COLEC12: variants seen among roughly 807,000 people sequenced by gnomAD.
COLEC12 encodes collectin-12.
Under a neutral mutation model 71.1 loss-of-function variants are expected in COLEC12, and 33 were observed. The observed-to-expected ratio is 0.46, with a 90% CI of 0.35 to 0.62. COLEC12 has a LOEUF of 0.62. COLEC12 is among the 20% of genes least tolerant of loss of function. The pLI is 0.00. For missense variants in COLEC12, 765 were observed against 916.1 expected, an observed-to-expected ratio of 0.84 and a Z score of 2.13; for synonymous variants, 350 against 353.0, an observed-to-expected ratio of 0.99 and a Z score of 0.10.
chr18:354,503 G>A (rs1029620081), intron 3 of COLEC12, among the ~76,000 whole-genome samples: 4 of 152,162 alleles, frequency 2.6e-5, no homozygotes, highest in African/African-American at 9.7e-5. Flanking sequence ...ATGCCTTATT[G>A]TGTTTCTTTC....
At position 327,079 on chromosome 18, in the gene COLEC12, C is replaced by T. The variant is rs1489316463; in HGVS notation, c.2063+4589G>A. On this transcript the variant is annotated intron_variant, in intron 8 of 9. Transcript: ENST00000400256. The surrounding 1 kb of genome is among the most constrained non-coding windows in gnomAD (Gnocchi z 4.0). ...TTCAAGATAATCCATCAAATGTTAT[C>T]ATGAGACTGTGGGCCAATGGACTCT... 6.6e-6 allele frequency among the ~76,000 whole-genome samples: 1 copy of T among 152,162 alleles called. No homozygotes were observed. The highest frequency in any genetic ancestry group is 2.4e-5 in the African/African-American group (1 of 41,448).
At chr18:412,403 T>C (rs72861872) in intron 2 of COLEC12, among the ~76,000 whole-genome samples, 35,485 of 150,972 alleles carry the variant, frequency 0.24, 5,241 homozygotes, top group South Asian at 0.47. Flanking sequence ...AAGGAAGACA[T>C]TCTCAGAGGA....
At chr18:330,720 G>T (rs1226358114) in intron 8 of COLEC12, among the ~76,000 whole-genome samples, 2 of 152,054 alleles carry the variant, frequency 1.3e-5, no homozygotes, top group African/African-American at 4.8e-5. Context: ...GTACCTCAAA[G>T]TGATTCTATT....
intron 2 of COLEC12, among the ~76,000 whole-genome samples, chr18:468,515 T>A (rs1917131624): frequency 6.6e-6 from 1 of 152,138 alleles, no homozygotes; most frequent in Admixed American, 6.5e-5. Context: ...AATTCAGAAG[T>A]CTTTAAATAG....
At chr18:400,767 G>A (rs918899472) in intron 2 of COLEC12, among the ~76,000 whole-genome samples, 1 of 152,186 alleles carries the variant, frequency 6.6e-6, no homozygotes, top group African/African-American at 2.4e-5. Flanking sequence ...AATGGAAGGT[G>A]TGACTGGCTG....
At chr18:439,290 C>T in intron 2 of COLEC12, among the ~76,000 whole-genome samples, 1 of 152,176 alleles carries the variant, frequency 6.6e-6, no homozygotes, top group South Asian at 2.1e-4. Context: ...TGTCCACATG[C>T]CTGTACCAAC....
At chr18:472,575 T>C (rs1567918527) in intron 2 of COLEC12, among the ~76,000 whole-genome samples, 1 of 149,500 alleles carries the variant, frequency 6.7e-6, no homozygotes, top group Non-Finnish European at 1.5e-5. Context: ...TGGTCCCAGC[T>C]ACTTGGGAGG....
At chr18:444,648 G>A (rs751586416) in intron 2 of COLEC12, among the ~76,000 whole-genome samples, 2 of 152,138 alleles carry the variant, frequency 1.3e-5, no homozygotes, top group Non-Finnish European at 2.9e-5. Context: ...GTGAGGTAGG[G>A]AGGGGAGAGA....
At chr18:386,088 G>T (rs781154608) in intron 2 of COLEC12, among the ~76,000 whole-genome samples, 5 of 146,516 alleles carry the variant, frequency 3.4e-5, no homozygotes, top group African/African-American at 5.0e-5. Context: ...GATTATCAGG[G>T]TACCTTTTGT....
chr18:449,899 T>C (rs1286817256), intron 2 of COLEC12, among the ~76,000 whole-genome samples: 4 of 152,248 alleles, frequency 2.6e-5, no homozygotes, highest in Non-Finnish European at 5.9e-5. Flanking sequence ...TAAAAGGTGT[T>C]GGACCTGTGT....
chr18:397,495 G>A lies in COLEC12; in HGVS notation c.59-39973C>T, dbSNP rs111556112. ...TAGTTAGATTTTTATAATTTTGAAG[G>A]GTTTTTTGTTTCTTTGTTTTGGCCA... is the stretch of plus-strand genomic sequence containing the variant. On this transcript the variant is annotated intron_variant, in intron 2 of 9. Transcript: ENST00000400256. Among the ~76,000 whole-genome samples, 594 of 152,216 alleles carry A rather than the reference G, an allele frequency of 3.9e-3. 2 individuals carry two copies. Among genetic ancestry groups the A allele is most frequent in the African/African-American group, 0.013 (556 of 41,546 alleles).
intron 2 of COLEC12, among the ~76,000 whole-genome samples, chr18:389,782 G>A (rs1337211781): frequency 6.6e-6 from 1 of 151,906 alleles, no homozygotes; most frequent in East Asian, 1.9e-4. Context: ...AGGCTTACTC[G>A]GTACCACCCA....
At chr18:331,046 A>C (rs567652782) in intron 8 of COLEC12, among the ~76,000 whole-genome samples, 1 of 149,740 alleles carries the variant, frequency 6.7e-6, no homozygotes, top group East Asian at 2.2e-4. Flanking sequence ...TATCCGGCTA[A>C]TTTTTGTTTT....
At chr18:420,192 C>A (rs757625692) in intron 2 of COLEC12, among the ~76,000 whole-genome samples, 55 of 152,266 alleles carry the variant, frequency 3.6e-4, no homozygotes, top group Admixed American at 2.2e-3. Flanking sequence ...TGCTTTAAGA[C>A]ACTCAGTTTT....
intron 2 of COLEC12, among the ~76,000 whole-genome samples, chr18:454,616 A>G (rs1916828270): frequency 6.6e-6 from 1 of 152,202 alleles, no homozygotes; most frequent in African/African-American, 2.4e-5. Context: ...CAGGTGGTGG[A>G]GGTTGCAGTG....
At chr18:489,815 G>A (rs1294445108) in intron 1 of COLEC12, among the ~76,000 whole-genome samples, 1 of 152,150 alleles carries the variant, frequency 6.6e-6, no homozygotes, top group African/African-American at 2.4e-5. Flanking sequence ...GTTGTTAGGG[G>A]AAGGTAAAAG....
chr18:376,056 G>A (rs1915106484), intron 2 of COLEC12, among the ~76,000 whole-genome samples: 2 of 152,174 alleles, frequency 1.3e-5, no homozygotes, highest in African/African-American at 2.4e-5. Context: ...GGCAGAGAGA[G>A]GATTCAAACC....
rs144602061 is a variant in COLEC12, at chr18:328,877, T to C, written c.2063+2791A>G. On this transcript the variant is annotated intron_variant, in intron 8 of 9. Transcript: ENST00000400256. The stretch of plus-strand genomic sequence containing the variant: ...TTTCTAGTTTGTGCAATGTTTATTA[T>C]TACATGTCAAATTAAATTAGCCTTT... 3.8e-3 allele frequency among the ~76,000 whole-genome samples: 577 copies of C among 152,326 alleles called. 6 individuals are homozygous for C. Among genetic ancestry groups the C allele is most frequent in the African/African-American group, 0.013 (542 of 41,566 alleles).
intron 2 of COLEC12, among the ~76,000 whole-genome samples, chr18:411,737 T>C (rs1425493709): frequency 6.6e-6 from 1 of 152,078 alleles, no homozygotes; most frequent in Non-Finnish European, 1.5e-5. Context: ...AAACCTCATC[T>C]CTACAAAAAA....
Sources: gnomAD v4.1 joint callset for allele counts (sites outside exome capture counted in the v4.1 genomes callset) on GRCh38, gnomAD v4.1.1 for gene constraint, Gnocchi (gnomAD v3.1) non-coding constraint, MANE v1.5 for transcripts, NCBI Gene and HGNC (gene_info 2026-07-23, HGNC 2026-07-21) for gene names.